Variants in SGCZ observed in about 807,000 individuals in gnomAD.
The protein encoded by SGCZ is zeta-sarcoglycan.
In SGCZ, 40 loss-of-function variants were observed where a neutral mutation model predicts 41.3. The ratio of observed to expected loss-of-function variants is 0.97; its 90% CI spans 0.75 to 1.26. SGCZ has a LOEUF of 1.26. Ranked by LOEUF, SGCZ falls within the 50% of genes most tolerant of loss-of-function variation. The pLI is 0.00. For synonymous variants in SGCZ, 206 were observed against 137.5 expected, an observed-to-expected ratio of 1.50 and a Z score of -3.49; for missense variants, 552 against 369.8, an observed-to-expected ratio of 1.49 and a Z score of -4.04.
chr8:14,595,400 A>AACACACACAGACAC (rs1554459942), intron 1 of SGCZ, among the ~76,000 whole-genome samples: 3 of 136,316 alleles, frequency 2.2e-5, no homozygotes, highest in African/African-American at 8.4e-5. Flanking sequence ...AACATGCACA[A>AACACACACAGACAC]ACACACACAC....
intron 2 of SGCZ, among the ~76,000 whole-genome samples, chr8:14,434,773 C>T (rs186148508): frequency 6.6e-6 from 1 of 152,214 alleles, no homozygotes; most frequent in East Asian, 1.9e-4. Flanking sequence ...AGCTTGGTCA[C>T]TGTTAGTTAG....
intron 1 of SGCZ, among the ~76,000 whole-genome samples, chr8:14,799,015 A>T (rs2130495268): frequency 6.6e-6 from 1 of 152,072 alleles, no homozygotes; most frequent in African/African-American, 2.4e-5. Flanking sequence ...AAAAAGCAAA[A>T]GTATTACTCC....
chr8:14,384,737 G>A (rs1409957727), intron 2 of SGCZ, among the ~76,000 whole-genome samples: 1 of 152,064 alleles, frequency 6.6e-6, no homozygotes, highest in African/African-American at 2.4e-5. Flanking sequence ...TTTTTGTAGA[G>A]ACGAGGTTTT....
chr8:15,071,112 G>C (rs763146064), intron 1 of SGCZ, among the ~76,000 whole-genome samples: 3 of 152,084 alleles, frequency 2.0e-5, no homozygotes, highest in Non-Finnish European at 4.4e-5. Flanking sequence ...AACTTGATTT[G>C]TTAAGCAATA....
intron 4 of SGCZ, among the ~76,000 whole-genome samples, chr8:14,177,958 CTT>C (rs147303437): frequency 5.3e-5 from 5 of 95,050 alleles, no homozygotes; most frequent in Admixed American, 1.3e-4. Context: ...CTTTTTTTTT[CTT>C]TTTTTTTTTT....
At chr8:14,804,592 T>G (rs1243039696) in intron 1 of SGCZ, among the ~76,000 whole-genome samples, 2 of 141,192 alleles carry the variant, frequency 1.4e-5, no homozygotes, top group East Asian at 4.5e-4. Context: ...AAAGACCAAA[T>G]CTACGTCTGA....
At chr8:15,178,408 C>G (rs1443966743) in intron 1 of SGCZ, among the ~76,000 whole-genome samples, 1 of 152,024 alleles carries the variant, frequency 6.6e-6, no homozygotes, top group Non-Finnish European at 1.5e-5. Context: ...CTCAATTACC[C>G]CATGTAGCGA....
chr8:14,853,137 T>A (rs892019857), intron 1 of SGCZ, among the ~76,000 whole-genome samples: 4 of 152,332 alleles, frequency 2.6e-5, no homozygotes, highest in Non-Finnish European at 4.4e-5. Context: ...AAACTTGTAC[T>A]ATTTGCAGTT....
chr8:14,407,289 G>A (rs1172778206), intron 2 of SGCZ, among the ~76,000 whole-genome samples: 3 of 151,836 alleles, frequency 2.0e-5, no homozygotes, highest in African/African-American at 4.8e-5. Flanking sequence ...GGCTGGTCAC[G>A]AACTCTTGAC....
chr8:14,565,058 C>A (rs1365409455), intron 1 of SGCZ, among the ~76,000 whole-genome samples: 1 of 151,716 alleles, frequency 6.6e-6, no homozygotes, highest in South Asian at 2.1e-4. Flanking sequence ...TGAAAGATAT[C>A]TGAGTCAAAT....
At chr8:14,687,662 C>T (rs1808660042) in intron 1 of SGCZ, among the ~76,000 whole-genome samples, 1 of 151,656 alleles carries the variant, frequency 6.6e-6, no homozygotes, top group South Asian at 2.1e-4. Context: ...CATACATGTG[C>T]ATGTGTCTTT....
At chr8:14,653,699 C>T (rs1204284630) in intron 1 of SGCZ, among the ~76,000 whole-genome samples, 1 of 151,758 alleles carries the variant, frequency 6.6e-6, no homozygotes, top group South Asian at 2.1e-4. Flanking sequence ...GAAGTGATGT[C>T]CCACCCATCT....
intron 4 of SGCZ, among the ~76,000 whole-genome samples, chr8:14,229,133 A>G (rs1806473913): frequency 6.6e-6 from 1 of 152,142 alleles, no homozygotes; most frequent in Non-Finnish European, 1.5e-5. Context: ...AAATCTCTAG[A>G]ATTCCCTGAT....
intron 1 of SGCZ, among the ~76,000 whole-genome samples, chr8:14,753,809 A>T (rs935751593): frequency 2.6e-5 from 4 of 152,300 alleles, no homozygotes; most frequent in African/African-American, 9.6e-5. Context: ...ATTATTCTGG[A>T]TGGAGAAGCC....
At chr8:14,927,170 G>A (rs1006067760) in intron 1 of SGCZ, among the ~76,000 whole-genome samples, 5 of 136,848 alleles carry the variant, frequency 3.7e-5, no homozygotes, top group African/African-American at 1.1e-4. Context: ...GTGCAATGGC[G>A]CGATCTCGGC....
At chr8:14,843,775 C>A (rs2130633901) in intron 1 of SGCZ, among the ~76,000 whole-genome samples, 1 of 152,066 alleles carries the variant, frequency 6.6e-6, no homozygotes, top group Admixed American at 6.6e-5. Flanking sequence ...TTATAGATAG[C>A]ACTTTTAACT....
intron 1 of SGCZ, among the ~76,000 whole-genome samples, chr8:15,218,642 T>G (rs1301304861): frequency 1.3e-5 from 2 of 152,198 alleles, no homozygotes; most frequent in East Asian, 1.9e-4. Context: ...TTCTTCCTAG[T>G]GTACCCACAT....
At chr8:14,485,525 C>A (rs1456552905) in intron 2 of SGCZ, among the ~76,000 whole-genome samples, 2 of 152,288 alleles carry the variant, frequency 1.3e-5, no homozygotes, top group Non-Finnish European at 2.9e-5. Context: ...GATGAGCCAC[C>A]ATGCCCAGCC....
rs112651574 is a variant in SGCZ at position 14,702,728 on chromosome 8, CAAT to C, written c.40-147805_40-147803del. Among the ~76,000 whole-genome samples the C allele has an allele frequency of 1.4e-4, 15 of 108,024 alleles. No individual in the cohort carries two copies. The East Asian group carries it at 4.5e-3, about 32-fold the overall frequency. 70.9% of individuals were successfully genotyped at this position (108,024 alleles called of 152,430 possible). Reference sequence around the variant, plus strand: ...ATATATCAGCAAATTCTGCTGGCTTCAATGATAGATAGATAGATAGATAGATAG... The same window carrying C: ...ATATATCAGCAAATTCTGCTGGCTTCGATAGATAGATAGATAGATAGATAG... On this transcript the variant is annotated intron_variant, in intron 1 of 7. Coordinates refer to ENST00000382080, the MANE Select transcript of SGCZ (RefSeq NM_139167.4).
Sources: gnomAD v4.1 joint callset for allele counts (sites outside exome capture counted in the v4.1 genomes callset) on GRCh38, gnomAD v4.1.1 for gene constraint, MANE v1.5 for transcripts, NCBI Gene and HGNC (gene_info 2026-07-23, HGNC 2026-07-21) for gene names.